The following CHRNA4 variants were observed in gnomAD, a reference collection of about 807,000 sequenced individuals.
CHRNA4 encodes the protein neuronal acetylcholine receptor subunit alpha-4.
A neutral mutation model predicts 48.9 loss-of-function variants in CHRNA4; 28 were observed. The ratio of observed to expected loss-of-function variants is 0.57; its 90% CI spans 0.42 to 0.79. The LOEUF is 0.79. Among genes scored for constraint, CHRNA4 ranks in the 30% least tolerant of loss-of-function variants. The pLI, the probability that CHRNA4 is intolerant of heterozygous loss-of-function variation, is 0.00. For synonymous variants in CHRNA4, 425 were observed against 402.3 expected (o/e 1.06, Z -0.68); for missense variants, 859 against 898.4 (o/e 0.96, Z 0.56).
chr20:63,359,861 C>T (rs879356003), intron 1 of CHRNA4, 162 bp from the exon 2 acceptor site: 2 of 824,292 alleles, frequency 2.4e-6, no homozygotes, highest in African/African-American at 2.0e-5. Flanking sequence ...GTGTGCCGGG[C>T]GTGCGCTCTG....
At chr20:63,351,154 C>CATCCACGTCCAT (rs2068596320) in intron 4 of CHRNA4, 127 bp from the exon 5 acceptor site, 1 of 860,906 alleles carries the variant, frequency 1.2e-6, no homozygotes, top group African/African-American at 1.8e-5. Context: ...TCCACGTCCA[C>CATCCACGTCCAT]GCCCACATCC....
rs961288192 is a variant in CHRNA4 at position 63,346,043 on chromosome 20, T to C, written c.*695A>G. 6.6e-6 allele frequency: 3 copies of C among 453,632 alleles called. No individual in the cohort carries two copies. Among genetic ancestry groups the C allele is most frequent in the Non-Finnish European group, 1.3e-5 (3 of 226,644 alleles). The allele number at this position is 453,632 out of a possible 1,614,324, so 28.1% of individuals were successfully genotyped here. The stretch of plus-strand genomic sequence containing the variant: ...GAGGGCCTGCGCAGGGGAGAGCTGG[T>C]CCCGCGTGGGCCTCCCGATTCTCCC... On this transcript the variant is annotated 3_prime_UTR_variant, in exon 6 of 6. Coordinates refer to ENST00000370263, the MANE Select transcript of CHRNA4 (RefSeq NM_000744.7).
At chr20:63,351,127 C>CCA in intron 4 of CHRNA4, 100 bp from the exon 5 acceptor site, 3 of 1,354,824 alleles carry the variant, frequency 2.2e-6, no homozygotes, top group East Asian at 2.5e-5. Flanking sequence ...ACACCCACAC[C>CCA]CACATCCACG....
chr20:63,360,525 A>G (rs911279521), intron 1 of CHRNA4, among the ~76,000 whole-genome samples: 17 of 151,976 alleles, frequency 1.1e-4, no homozygotes, highest in African/African-American at 4.1e-4. Context: ...GCGGAGGGGG[A>G]GACCTCCACC....
Position 63,359,611 on chromosome 20 carries a change from CA to C in CHRNA4, c.164del (p.Val55GlyfsTer28), listed in dbSNP as rs1486108120. 6.2e-7 allele frequency: 1 copy of C among 1,612,606 alleles called. No homozygotes were observed. Among genetic ancestry groups the C allele is most frequent in the African/African-American group, 1.3e-5 (1 of 74,928 alleles). On this transcript the variant is annotated frameshift_variant, in exon 2 of 6. Coordinates refer to ENST00000370263, the MANE Select transcript of CHRNA4 (RefSeq NM_000744.7). LOFTEE classifies it high-confidence loss of function. ...CGAGGACCACGTCCGAGATGTTGGC[CA>C]CGGGTCGGGACCACTTGTTGTAACC... ...FSGYNKWSRP[V>X]ANISDVVLVR...
chr20:63,345,316 C>T lies in CHRNA4; in HGVS notation c.*1422G>A, dbSNP rs1333793520. Reference sequence around the variant, plus strand: ...TGTGGACCACTCAGCAGGAGGCTTCCTGACTGTCTCCTCCTGAACCGATGT... The same window carrying T: ...TGTGGACCACTCAGCAGGAGGCTTCTTGACTGTCTCCTCCTGAACCGATGT... On this transcript the variant is annotated 3_prime_UTR_variant, in exon 6 of 6. Transcript: ENST00000370263. The surrounding 1 kb of genome is among the most constrained non-coding windows in gnomAD (Gnocchi z 5.4). 1 of 453,404 alleles carries T rather than the reference C, an allele frequency of 2.2e-6. No homozygotes were observed. Among genetic ancestry groups the T allele is most frequent in the Non-Finnish European group, 4.4e-6 (1 of 226,424 alleles). The allele number at this position is 453,404 out of a possible 1,614,324, so 28.1% of individuals were successfully genotyped here.
At position 63,346,646 on chromosome 20, in the gene CHRNA4, T is replaced by G. The variant is rs918317620; in HGVS notation, c.*92A>C. On this transcript the variant is annotated 3_prime_UTR_variant, in exon 6 of 6. Transcript: ENST00000370263. Reference sequence around the variant, plus strand: ...TTGGCAAACGTGTGGCCCCACAGAGTCCAGGGAGAAGCCAGCCCGGCCCCA... The same window carrying G: ...TTGGCAAACGTGTGGCCCCACAGAGGCCAGGGAGAAGCCAGCCCGGCCCCA... The G allele has an allele frequency of 1.3e-6, 2 of 1,523,310 alleles. No individual in the cohort carries two copies. Among genetic ancestry groups the G allele is most frequent in the Non-Finnish European group, 1.8e-6 (2 of 1,135,640 alleles). 94.4% of individuals were successfully genotyped at this position (1,523,310 alleles called of 1,614,324 possible).
intron 5 of CHRNA4, among the ~76,000 whole-genome samples, chr20:63,349,032 CG>C (rs891343833): frequency 6.6e-5 from 10 of 152,166 alleles, no homozygotes; most frequent in Admixed American, 5.2e-4. Context: ...CCCCGGGCCC[CG>C]GGGGGCCTTA....
Position 63,349,682 on chromosome 20 carries a change from G to A in CHRNA4, c.1729C>T (p.His577Tyr). The A allele has an allele frequency of 1.2e-6, 2 of 1,612,884 alleles. No homozygotes were observed. Among genetic ancestry groups the A allele is most frequent in the Non-Finnish European group, 1.7e-6 (2 of 1,179,888 alleles). Reference protein sequence around the residue: ...AVEGVQYIADHLKAEDTDFSV... With the variant: ...AVEGVQYIADYLKAEDTDFSV... ...AAGTCTGTGTCTTCGGCCTTCAGGT[G>A]GTCTGCAATGTACTGGACGCCCTCC... is the stretch of plus-strand genomic sequence containing the variant. Residue 577 changes from histidine (H) to tyrosine (Y), a missense_variant, in exon 5 of 6, where the codon CAC becomes TAC. His to Tyr is a moderately conservative substitution (Grantham distance 83, BLOSUM62 2). Transcript: ENST00000370263.
rs1200619116 is a variant in CHRNA4 at position 63,356,012 on chromosome 20, C to T, written c.346G>A (p.Glu116Lys). The T allele has an allele frequency of 1.2e-6, 2 of 1,609,752 alleles. No homozygotes were observed. The highest frequency in any genetic ancestry group is 1.1e-5 in the South Asian group (1 of 90,902). ...ACGATGTCCGGCCGCCAGATGAGCT[C>T]GGAGGGGATGCGGATGGAGGTGACA... ...ENVTSIRIPS[E>K]LIWRPDIVLY... is the part of the protein sequence containing the mutation. The change falls in exon 4 of 6, where the codon GAG becomes AAG. Residue 116 changes from glutamate to lysine, a missense_variant. Around this residue, in one of 3 missense-constraint regions of CHRNA4, gnomAD observed 342 missense variants for 365.3 expected, o/e 0.94. Transcript: ENST00000370263.
chr20:63,347,460 GA>G (rs1225652171), intron 5 of CHRNA4, among the ~76,000 whole-genome samples: 1 of 152,224 alleles, frequency 6.6e-6, no homozygotes, highest in African/African-American at 2.4e-5. Context: ...TCTGAACGGG[GA>G]CAGCGGGTTC....
At position 63,346,656 on chromosome 20, in the gene CHRNA4, A is replaced by G; in HGVS notation, c.*82T>C. ...TGTGGCCCCACAGAGTCCAGGGAGAAGCCAGCCCGGCCCCAGGCCGGCCGC... is the reference window on the plus strand; with the variant it reads ...TGTGGCCCCACAGAGTCCAGGGAGAGGCCAGCCCGGCCCCAGGCCGGCCGC... On this transcript the variant is annotated 3_prime_UTR_variant, in exon 6 of 6. Transcript: ENST00000370263. The G allele has an allele frequency of 6.5e-7, 1 of 1,536,370 alleles. No homozygotes were observed. Among genetic ancestry groups the G allele is most frequent in the African/African-American group, 1.4e-5 (1 of 73,312 alleles).
Position 63,361,279 on chromosome 20 carries a change from C to CG in CHRNA4, c.-115dup. The CG allele has an allele frequency of 7.3e-7, 1 of 1,369,108 alleles. No homozygotes were observed. The highest frequency in any genetic ancestry group is 9.4e-7 in the Non-Finnish European group (1 of 1,062,682). The allele number at this position is 1,369,108 out of a possible 1,614,324, so 84.8% of individuals were successfully genotyped here. On this transcript the variant is annotated 5_prime_UTR_variant, in exon 1 of 6. Transcript: ENST00000370263. ...GCGCCTCGCGGGCCGCTTCGGCCGC[C>CG]GGGCCCGGTTCGTCTTCTCCTGTGG...
rs1391565962 is a variant in CHRNA4, at chr20:63,346,533, AC to A, written c.*204del. 1 of 773,180 alleles carries A rather than the reference AC, an allele frequency of 1.3e-6. No homozygotes were observed. Among genetic ancestry groups the A allele is most frequent in the Admixed American group, 2.0e-5 (1 of 49,540 alleles). 47.9% of individuals were successfully genotyped at this position (773,180 alleles called of 1,614,324 possible). On this transcript the variant is annotated 3_prime_UTR_variant, in exon 6 of 6. Coordinates refer to ENST00000370263, the MANE Select transcript of CHRNA4 (RefSeq NM_000744.7). The stretch of plus-strand genomic sequence containing the variant: ...CACTGCCTCCTGAGGCCACAGTCCA[AC>A]TGGAAGCAGCTCCACACTCGGTCTC...
intron 5 of CHRNA4, 23 bp downstream of exon 5, chr20:63,349,630 A>G (rs372437449): frequency 1.2e-5 from 20 of 1,612,320 alleles, no homozygotes; most frequent in Non-Finnish European, 1.7e-5. Flanking sequence ...GAGGCGCCCA[A>G]CACAGCCATG....
rs748237979 is a variant in CHRNA4, at chr20:63,350,777, C to A, written c.634G>T (p.Val212Leu). The A allele has an allele frequency of 1.2e-6, 2 of 1,613,734 alleles. No homozygotes were observed. Among genetic ancestry groups the A allele is most frequent in the African/African-American group, 1.3e-5 (1 of 74,960 alleles). The change falls in exon 5 of 6, where the codon GTG becomes TTG. Residue 212 changes from valine to leucine, a missense_variant. Transcript: ENST00000370263. ...GTGTTGTAGGTGCCCACGGCATCCA[C>A]GATGACCCACTCGCCACTCTCCCAG... ...DFWESGEWVI[V>L]DAVGTYNTRK...
Position 63,361,091 on chromosome 20 carries a change from G to C in CHRNA4, c.75C>G (p.Arg25=), listed in dbSNP as rs1601498641. The change falls in exon 1 of 6, where the codon CGC becomes CGG. Residue 25 remains arginine (R), a splice_region_variant and synonymous_variant. Coordinates refer to ENST00000370263, the MANE Select transcript of CHRNA4 (RefSeq NM_000744.7). The part of the protein sequence containing the change: ...LLLLLGTGLL[R]ASSHVETRAH... ...CCCATCCCGCGCCCCGTAACTTACCGCGCAGGAGGCCGGTCCCCAGAAGCA... is the reference window on the plus strand; with the variant it reads ...CCCATCCCGCGCCCCGTAACTTACCCCGCAGGAGGCCGGTCCCCAGAAGCA... 1 of 1,464,858 alleles carries C rather than the reference G, an allele frequency of 6.8e-7. No homozygotes were observed. The highest frequency in any genetic ancestry group is 9.0e-7 in the Non-Finnish European group (1 of 1,113,012). The allele number at this position is 1,464,858 out of a possible 1,614,324, so 90.7% of individuals were successfully genotyped here. A position where few individuals can be genotyped will look rare whatever the true frequency, so the allele number is the denominator to read the frequency against.
chr20:63,355,782 C>T (rs1041236621), intron 4 of CHRNA4, 193 bp downstream of exon 4: 15 of 890,616 alleles, frequency 1.7e-5, no homozygotes, highest in Middle Eastern at 3.3e-4. Context: ...CCCTTCCCTC[C>T]TCAACCCACA....
intron 4 of CHRNA4, among the ~76,000 whole-genome samples, chr20:63,353,736 A>G (rs1247428685): frequency 2.6e-3 from 17 of 6,528 alleles, no homozygotes; most frequent in African/African-American, 5.0e-3. Context: ...CTGTGGTCCT[A>G]GGAGGCTGTG....
Sources: gnomAD v4.1 joint callset for allele counts (sites outside exome capture counted in the v4.1 genomes callset) on GRCh38, gnomAD v4.1.1 for gene constraint, gnomAD v4.1.1 regional missense constraint, Gnocchi (gnomAD v3.1) non-coding constraint, MANE v1.5 for transcripts, NCBI Gene and HGNC (gene_info 2026-07-23, HGNC 2026-07-21) for gene names.